NMNAT1: variants seen among roughly 807,000 people sequenced by gnomAD.
NMNAT1 encodes the protein nicotinamide nucleotide adenylyltransferase 1.
In NMNAT1, 11 loss-of-function variants were observed where a neutral mutation model predicts 16.7. That is an observed-to-expected ratio of 0.66 (90% CI 0.41 to 1.09). The LOEUF (loss-of-function observed/expected upper bound fraction) is 1.09. Among genes scored for constraint, NMNAT1 ranks in the 50% least tolerant of loss-of-function variants. The pLI is 0.00. For missense variants in NMNAT1, 280 were observed against 332.3 expected, an observed-to-expected ratio of 0.84 and a Z score of 1.22; for synonymous variants, 110 against 119.8, an observed-to-expected ratio of 0.92 and a Z score of 0.53.
intron 1 of NMNAT1, among the ~76,000 whole-genome samples, chr1:9,954,659 A>G (rs1006417226): frequency 4.6e-5 from 7 of 152,100 alleles, no homozygotes; most frequent in African/African-American, 1.7e-4. Context: ...TGGGCCAGGC[A>G]TGGTGGCTCA....
the NMNAT1 span, among the ~76,000 whole-genome samples, chr1:9,992,987 A>G: frequency 1.3e-5 from 2 of 152,182 alleles, no homozygotes; most frequent in Non-Finnish European, 2.9e-5. Flanking sequence ...GGAGCTAACC[A>G]GGCAAAAACT....
chr1:9,945,740 G>T (rs1480022989), intron 1 of NMNAT1, among the ~76,000 whole-genome samples: 2 of 152,084 alleles, frequency 1.3e-5, no homozygotes, highest in African/African-American at 4.8e-5. Flanking sequence ...ATAAACATTT[G>T]TTCACAGTGT....
chr1:9,959,576 G>A (rs1180370471), intron 1 of NMNAT1, among the ~76,000 whole-genome samples: 1 of 152,008 alleles, frequency 6.6e-6, no homozygotes, highest in African/African-American at 2.4e-5. Flanking sequence ...AGCTACTCAG[G>A]AGGCTGAGGC....
chr1:9,973,707 C>CA (rs1053350657), intron 2 of NMNAT1, among the ~76,000 whole-genome samples: 980 of 21,458 alleles, frequency 0.046, 83 homozygotes, highest in East Asian at 0.1. Flanking sequence ...GACTCCATCT[C>CA]AAAAAAAAAA....
At chr1:9,948,927 G>A (rs1026427509) in intron 1 of NMNAT1, among the ~76,000 whole-genome samples, 2 of 151,322 alleles carry the variant, frequency 1.3e-5, no homozygotes, top group Non-Finnish European at 2.9e-5. Flanking sequence ...GATTACAGGC[G>A]TCAGCCACTG....
chr1:9,972,098 G>A lies in NMNAT1; in HGVS notation c.25G>A (p.Val9Met), dbSNP rs387907294. The A allele has an allele frequency of 3.1e-6, 5 of 1,610,398 alleles. No individual in the cohort carries two copies. Among genetic ancestry groups the A allele is most frequent in the Middle Eastern group, 1.7e-4 (1 of 6,052 alleles). The change falls in exon 2 of 5, where the codon GTG becomes ATG. Residue 9 changes from valine (V) to methionine (M), a missense_variant. By Grantham distance (21) the Val-to-Met change is conservative (BLOSUM62 1). Transcript: ENST00000377205. Reference sequence around the variant, plus strand: ...CATGGAAAATTCCGAGAAGACTGAAGTGGTTCTCCTTGCTTGTGGTTCATT... The same window carrying A: ...CATGGAAAATTCCGAGAAGACTGAAATGGTTCTCCTTGCTTGTGGTTCATT... MENSEKTE[V>M]VLLACGSFNP... is the part of the protein sequence containing the mutation.
intron 1 of NMNAT1, among the ~76,000 whole-genome samples, chr1:9,945,605 C>T (rs1414921799): frequency 6.6e-6 from 1 of 152,088 alleles, no homozygotes; most frequent in East Asian, 1.9e-4. Context: ...GAGGCTGAGG[C>T]AGGAGAATTG....
intron 2 of NMNAT1, among the ~76,000 whole-genome samples, chr1:9,973,950 G>T (rs1043353907): frequency 1.4e-4 from 21 of 151,518 alleles, no homozygotes; most frequent in African/African-American, 5.1e-4. Flanking sequence ...CGATTCTTTT[G>T]CCTCAGCCTC....
At chr1:9,946,770 G>A (rs966454267) in intron 1 of NMNAT1, among the ~76,000 whole-genome samples, 1 of 152,098 alleles carries the variant, frequency 6.6e-6, no homozygotes, top group East Asian at 1.9e-4. Context: ...CTTATCAGAA[G>A]AGTGAATGGA....
chr1:9,956,633 A>G (rs1176379039), intron 1 of NMNAT1, among the ~76,000 whole-genome samples: 1 of 150,822 alleles, frequency 6.6e-6, no homozygotes, highest in East Asian at 2.0e-4. Context: ...ATGTTGTCCA[A>G]GCTGGTCTCG....
chr1:9,961,993 C>T (rs903571715), intron 1 of NMNAT1, among the ~76,000 whole-genome samples: 2 of 151,828 alleles, frequency 1.3e-5, no homozygotes, highest in Non-Finnish European at 2.9e-5. Context: ...GTCTCGAACT[C>T]CCAACCACAG....
chr1:9,981,145 G>C lies in NMNAT1; in HGVS notation c.414G>C (p.Lys138Asn). ...KWTETQDSSQKKSLEPKTKAV... is the reference protein window; with the variant it reads ...KWTETQDSSQNKSLEPKTKAV... The stretch of plus-strand genomic sequence containing the variant: ...CTGAAACACAAGATTCTAGTCAAAA[G>C]AAATCCCTAGAGCCAAAAACAAAAG... The change falls in exon 4 of 5, where the codon AAG becomes AAC. Residue 138 changes from lysine to asparagine, a missense_variant. Coordinates refer to ENST00000377205, the MANE Select transcript of NMNAT1 (RefSeq NM_022787.4). 1 of 1,612,712 alleles carries C rather than the reference G, an allele frequency of 6.2e-7. No homozygotes were observed. Among genetic ancestry groups the C allele is most frequent in the South Asian group, 1.1e-5 (1 of 90,898 alleles).
chr1:9,976,968 A>T (rs2101704698), intron 3 of NMNAT1, among the ~76,000 whole-genome samples: 1 of 146,468 alleles, frequency 6.8e-6, no homozygotes, highest in Admixed American at 6.9e-5. Flanking sequence ...GTGCAATGGC[A>T]TGATCTTGGC....
chr1:9,990,137 T>G (rs957546234), downstream of NMNAT1, among the ~76,000 whole-genome samples: 2 of 152,210 alleles, frequency 1.3e-5, no homozygotes, highest in Non-Finnish European at 2.9e-5. Flanking sequence ...TATCAGAATT[T>G]TTTTTCATTG....
intron 3 of NMNAT1, among the ~76,000 whole-genome samples, chr1:9,979,953 C>T (rs569946389): frequency 1.7e-4 from 25 of 150,836 alleles, no homozygotes; most frequent in Middle Eastern, 3.5e-3. Flanking sequence ...TCTTTTGAGG[C>T]GGAGTTTTGC....
chr1:9,985,006 AC>A lies in NMNAT1; in HGVS notation c.*2308del, dbSNP rs1642026900. On this transcript the variant is annotated 3_prime_UTR_variant, in exon 5 of 5. Coordinates refer to ENST00000377205, the MANE Select transcript of NMNAT1 (RefSeq NM_022787.4). Reference sequence around the variant, plus strand: ...TGGTGGGAGGGCTTTCATCTTCCTTACCCAAGCCTCTCTTTTCACTTTTCTA... The same window carrying A: ...TGGTGGGAGGGCTTTCATCTTCCTTACCAAGCCTCTCTTTTCACTTTTCTA... The A allele has an allele frequency of 6.6e-6, 1 of 152,100 alleles. No individual in the cohort carries two copies. The highest frequency in any genetic ancestry group is 2.4e-5 in the African/African-American group (1 of 41,418). 9.4% of individuals were successfully genotyped at this position (152,100 alleles called of 1,614,324 possible).
intron 1 of NMNAT1, among the ~76,000 whole-genome samples, chr1:9,965,683 G>A (rs1641526383): frequency 6.6e-6 from 1 of 152,056 alleles, no homozygotes; most frequent in Non-Finnish European, 1.5e-5. Context: ...GATTACAGGT[G>A]TGAGCAACCG....
chr1:9,992,061 T>C, the NMNAT1 span, among the ~76,000 whole-genome samples: 5 of 148,368 alleles, frequency 3.4e-5, no homozygotes, highest in African/African-American at 1.2e-4. Context: ...AATAAATAAG[T>C]AAGTAAATAA....
At chr1:9,971,655 G>C (rs1206215033) in intron 1 of NMNAT1, among the ~76,000 whole-genome samples, 2 of 152,088 alleles carry the variant, frequency 1.3e-5, no homozygotes, top group African/African-American at 4.8e-5. Flanking sequence ...TGAGAATGTG[G>C]AAGGACATCA....
Sources: gnomAD v4.1 joint callset for allele counts (sites outside exome capture counted in the v4.1 genomes callset) on GRCh38, gnomAD v4.1.1 for gene constraint, MANE v1.5 for transcripts, NCBI Gene and HGNC (gene_info 2026-07-23, HGNC 2026-07-21) for gene names.